EFNA5: variants seen among roughly 807,000 people sequenced by gnomAD.
EFNA5 encodes ephrin A5.
EFNA5 carries 5 observed loss-of-function variants against 22.9 expected under a neutral mutation model. The observed-to-expected ratio is 0.22, with a 90% confidence interval of 0.11 to 0.46. EFNA5 has a LOEUF of 0.46. Ranked by LOEUF, EFNA5 falls within the 20% of genes least tolerant of loss-of-function variation. EFNA5 has a pLI of 0.99. For missense variants in EFNA5, 237 were observed against 293.3 expected (o/e 0.81, Z 1.40); for synonymous variants, 113 against 112.2 (o/e 1.01, Z -0.04).
At chr5:107,536,668 G>A (rs1448226021) in intron 1 of EFNA5, among the ~76,000 whole-genome samples, 2 of 152,116 alleles carry the variant, frequency 1.3e-5, no homozygotes, top group African/African-American at 4.8e-5. Context: ...TATCAAACAG[G>A]AGCTCAAAGT....
intron 1 of EFNA5, among the ~76,000 whole-genome samples, chr5:107,556,688 G>A (rs1471026662): frequency 1.3e-5 from 2 of 151,900 alleles, no homozygotes; most frequent in East Asian, 3.9e-4. Context: ...GGGGGTTGCA[G>A]TGAGTCGAGA....
chr5:107,470,224 C>T (rs1156615931), intron 1 of EFNA5, among the ~76,000 whole-genome samples: 2 of 152,138 alleles, frequency 1.3e-5, no homozygotes, highest in African/African-American at 4.8e-5. Flanking sequence ...CAAAAAATGG[C>T]AACAGTGAGG....
intron 1 of EFNA5, among the ~76,000 whole-genome samples, chr5:107,533,137 TGAGATGACA>T (rs1214242821): frequency 6.6e-6 from 1 of 152,256 alleles, no homozygotes; most frequent in African/African-American, 2.4e-5. Flanking sequence ...CTTTAACAGC[TGAGATGACA>T]GGGATGTCCA....
At chr5:107,664,361 TA>T (rs1751026748) in intron 1 of EFNA5, among the ~76,000 whole-genome samples, 1 of 152,154 alleles carries the variant, frequency 6.6e-6, no homozygotes. Context: ...TTTGAAAACA[TA>T]AATGCAGACA....
At chr5:107,585,040 G>A (rs140493820) in intron 1 of EFNA5, among the ~76,000 whole-genome samples, 1 of 152,154 alleles carries the variant, frequency 6.6e-6, no homozygotes, top group African/African-American at 2.4e-5. Context: ...GATATTATGG[G>A]ACTAGTGAGG....
At chr5:107,515,465 G>A (rs141667824) in intron 1 of EFNA5, among the ~76,000 whole-genome samples, 107 of 150,680 alleles carry the variant, frequency 7.1e-4, no homozygotes, top group African/African-American at 2.4e-3. Context: ...TGCAACCTCC[G>A]CCTGCTGGGT....
intron 1 of EFNA5, among the ~76,000 whole-genome samples, chr5:107,479,905 CAGTATATTTTA>C (rs1750411194): frequency 6.6e-6 from 1 of 152,028 alleles, no homozygotes; most frequent in Admixed American, 6.6e-5. Flanking sequence ...AAATGCACAC[CAGTATATTTTA>C]AAAAACTAAA....
At position 107,380,978 on chromosome 5, in the gene EFNA5, T is replaced by G. The variant is rs1580411656; in HGVS notation, c.*277A>C. 1 of 473,164 alleles carries G rather than the reference T, an allele frequency of 2.1e-6. No individual in the cohort carries two copies. The highest frequency in any genetic ancestry group is 3.8e-6 in the Non-Finnish European group (1 of 266,632). 29.3% of individuals were successfully genotyped at this position (473,164 alleles called of 1,614,324 possible). ...GAACCACTGGTGTCACTATGACAAT[T>G]TGGCATTTTCATCTGGAGTCCATTT... On this transcript the variant is annotated 3_prime_UTR_variant, in exon 5 of 5. Transcript: ENST00000333274.
intron 1 of EFNA5, 89 bp from the exon 2 acceptor site, chr5:107,427,598 A>T: frequency 2.4e-6 from 3 of 1,251,532 alleles, no homozygotes; most frequent in Non-Finnish European, 3.3e-6. Context: ...ATAATTTTGG[A>T]GCTAAAGCAT....
chr5:107,468,920 T>C (rs1333286398), intron 1 of EFNA5, among the ~76,000 whole-genome samples: 1 of 152,348 alleles, frequency 6.6e-6, no homozygotes, highest in African/African-American at 2.4e-5. Context: ...CCAGTTTATG[T>C]GTTGATAGGA....
chr5:107,438,716 G>A lies in EFNA5; in HGVS notation c.126-11207C>T, dbSNP rs568279437. On this transcript the variant is annotated intron_variant, in intron 1 of 4. Coordinates refer to ENST00000333274, the MANE Select transcript of EFNA5 (RefSeq NM_001962.3). ...ATAGATTCGGATCTTTGGAGAGAAA[G>A]ACTAGAACCAATGCATTGTCCTTGG... is the stretch of plus-strand genomic sequence containing the variant. Among the ~76,000 whole-genome samples, 3 of 152,304 alleles carry A rather than the reference G, an allele frequency of 2.0e-5. No individual in the cohort carries two copies. The South Asian group carries it at 6.2e-4, about 32-fold the overall frequency.
At chr5:107,565,642 G>T (rs957903088) in intron 1 of EFNA5, among the ~76,000 whole-genome samples, 2 of 151,976 alleles carry the variant, frequency 1.3e-5, no homozygotes, top group African/African-American at 2.4e-5. Flanking sequence ...GTATTTTCCT[G>T]TTTTATAACA....
chr5:107,655,413 C>T (rs1750801496), intron 1 of EFNA5, among the ~76,000 whole-genome samples: 1 of 152,068 alleles, frequency 6.6e-6, no homozygotes, highest in Non-Finnish European at 1.5e-5. Context: ...TATTAAAATG[C>T]TGTACTTTTA....
At position 107,643,675 on chromosome 5, in the gene EFNA5, G is replaced by A. The variant is rs147101621; in HGVS notation, c.125+26814C>T. Among the ~76,000 whole-genome samples the A allele has an allele frequency of 9.2e-5, 14 of 151,896 alleles. No individual in the cohort carries two copies. The South Asian group carries it at 2.1e-3, about 23-fold the overall frequency. The stretch of plus-strand genomic sequence containing the variant: ...GTACCATTTATGAAGTAAGCTTGAC[G>A]AGAGGGGGAGTGAATGGGGGAGTGG... On this transcript the variant is annotated intron_variant, in intron 1 of 4. Coordinates refer to ENST00000333274, the MANE Select transcript of EFNA5 (RefSeq NM_001962.3).
intron 1 of EFNA5, among the ~76,000 whole-genome samples, chr5:107,660,243 C>T (rs1231295240): frequency 8.5e-6 from 1 of 117,302 alleles, no homozygotes; most frequent in Non-Finnish European, 1.7e-5. Flanking sequence ...AAGACTGGAA[C>T]CTCTGAGATG....
intron 1 of EFNA5, among the ~76,000 whole-genome samples, chr5:107,501,175 T>G (rs1402429368): frequency 6.6e-6 from 1 of 152,216 alleles, no homozygotes; most frequent in Non-Finnish European, 1.5e-5. Context: ...CACAGGCCCT[T>G]GTTAAAACAA....
At chr5:107,568,210 T>C (rs1310002632) in intron 1 of EFNA5, among the ~76,000 whole-genome samples, 1 of 152,156 alleles carries the variant, frequency 6.6e-6, no homozygotes, top group Non-Finnish European at 1.5e-5. Context: ...ATTCAAGCTT[T>C]ATACAAACAC....
At chr5:107,651,275 T>C (rs1750724194) in intron 1 of EFNA5, among the ~76,000 whole-genome samples, 1 of 152,160 alleles carries the variant, frequency 6.6e-6, no homozygotes, top group Non-Finnish European at 1.5e-5. Flanking sequence ...AGAGCTTTTG[T>C]CAGGATTTTT....
At chr5:107,426,584 G>A (rs989917740) in intron 2 of EFNA5, among the ~76,000 whole-genome samples, 2 of 152,232 alleles carry the variant, frequency 1.3e-5, no homozygotes, top group Admixed American at 1.3e-4. Context: ...TAATACAGAA[G>A]TCTACTGAGA....
Sources: allele counts gnomAD v4.1 joint callset (sites outside exome capture counted in the v4.1 genomes callset), GRCh38; gene constraint gnomAD v4.1.1; transcripts MANE v1.5; gene names NCBI Gene and HGNC (gene_info 2026-07-23, HGNC 2026-07-21).